Variants in ZNF16 observed in about 807,000 individuals in gnomAD.
ZNF16 encodes the protein zinc finger protein KOX9.
ZNF16 carries 7 observed loss-of-function variants against 9.0 expected under a neutral mutation model. The ratio of observed to expected loss-of-function variants is 0.78; its 90% CI spans 0.44 to 1.47. The LOEUF (loss-of-function observed/expected upper bound fraction) is 1.47, where lower values mean the gene tolerates loss of function less well. Among genes scored for constraint, ZNF16 ranks in the 40% most tolerant of loss-of-function variants. The probability of loss-of-function intolerance (pLI) is 0.01; values close to 1 mark genes in which losing one functional copy is unlikely to be tolerated. For missense variants in ZNF16, 830 were observed against 854.2 expected (o/e 0.97, Z 0.35); for synonymous variants, 312 against 301.5 (o/e 1.03, Z -0.36).
In ZNF16 at chr8:144,932,899, T is replaced by TC. The variant is rs1156659546; in HGVS notation, c.197-310dup. On this transcript the variant is annotated intron_variant, in intron 2 of 2. Coordinates refer to ENST00000394909, the MANE Select transcript of ZNF16 (RefSeq NM_006958.3). This position sits in a 1 kb window ranked among gnomAD's most constrained non-coding sequence, Gnocchi z 5.0. ...GCCAAAATCCTGGCTGTCCCTTGAC[T>TC]CCCCTCTTCCTCGACACCCACACCA... is the stretch of plus-strand genomic sequence containing the variant. 6.6e-6 allele frequency among the ~76,000 whole-genome samples: 1 copy of TC among 152,116 alleles called. No homozygotes were observed. Among genetic ancestry groups the TC allele is most frequent in the African/African-American group, 2.4e-5 (1 of 41,404 alleles).
rs552383102 is a variant in ZNF16, at chr8:144,933,039, T to C, written c.197-449A>G. 6.6e-6 allele frequency among the ~76,000 whole-genome samples: 1 copy of C among 151,688 alleles called. No individual in the cohort carries two copies. The highest frequency in any genetic ancestry group is 1.5e-5 in the Non-Finnish European group (1 of 68,020). On this transcript the variant is annotated intron_variant, in intron 2 of 2. Coordinates refer to ENST00000394909, the MANE Select transcript of ZNF16 (RefSeq NM_006958.3). The surrounding 1 kb of genome is among the most constrained non-coding windows in gnomAD (Gnocchi z 5.6). Reference sequence around the variant, plus strand: ...TCACACCACTCCTTACACTGTTACATATTTCACCCTTTTTTCTGTCCACAC... The same window carrying C: ...TCACACCACTCCTTACACTGTTACACATTTCACCCTTTTTTCTGTCCACAC...
chr8:144,942,690 C>T (rs1485753681), intron 2 of ZNF16, among the ~76,000 whole-genome samples: 2 of 152,206 alleles, frequency 1.3e-5, no homozygotes, highest in Non-Finnish European at 2.9e-5. Flanking sequence ...CACAAAATCT[C>T]TGCTTCTCTA....
Position 144,945,122 on chromosome 8 carries a change from C to CTT in ZNF16, c.196+887_196+888dup, listed in dbSNP as rs58690759. 2.8e-3 allele frequency: 410 copies of CTT among 144,544 alleles called. 1 individual carries two copies. Among genetic ancestry groups the CTT allele is most frequent in the African/African-American group, 8.7e-3 (342 of 39,462 alleles). 9.0% of individuals were successfully genotyped at this position (144,544 alleles called of 1,614,324 possible). A position where few individuals can be genotyped will look rare whatever the true frequency, so the allele number is the denominator to read the frequency against. The stretch of plus-strand genomic sequence containing the variant: ...CTGGATTCCCCAAAATATATAGGTG[C>CTT]TTTTTTTTTTTTCAAATTTATGTAT... On this transcript the variant is annotated intron_variant, in intron 2 of 2. Transcript: ENST00000394909.
In ZNF16 at chr8:144,930,866, G is replaced by A. The variant is rs372886012; in HGVS notation, c.1921C>T (p.Arg641Cys). The A allele has an allele frequency of 1.1e-5, 17 of 1,605,034 alleles. No homozygotes were observed. The highest frequency in any genetic ancestry group is 8.9e-5 in the East Asian group (4 of 44,820). The change falls in exon 3 of 3, where the codon CGT (arginine) becomes TGT (cysteine). Residue 641 changes from arginine (R) to cysteine (C), a missense_variant. Transcript: ENST00000394909. ...CTCTGGTGCTGGATGAGGACCGAACGCTGACTGAAGGCTTTCCCACACTCA... is the reference window on the plus strand; with the variant it reads ...CTCTGGTGCTGGATGAGGACCGAACACTGACTGAAGGCTTTCCCACACTCA... ...CSECGKAFSQ[R>C]SVLIQHQRIH... is the part of the protein sequence containing the mutation.
intron 2 of ZNF16, among the ~76,000 whole-genome samples, chr8:144,941,187 A>C (rs1009920676): frequency 6.6e-6 from 1 of 152,176 alleles, no homozygotes; most frequent in African/African-American, 2.4e-5. Context: ...CTCTATTACT[A>C]TAGAGCTATT....
chr8:144,946,523 G>A (rs13277474), intron 1 of ZNF16, among the ~76,000 whole-genome samples: 25,101 of 122,000 alleles, frequency 0.21, 2,634 homozygotes, highest in East Asian at 0.26. Flanking sequence ...CAGGGTCTGT[G>A]TCCTGCTGTG....
chr8:144,931,068 A>G lies in ZNF16; in HGVS notation c.1719T>C (p.His573=). 6.2e-7 allele frequency: 1 copy of G among 1,614,206 alleles called. No homozygotes were observed. The highest frequency in any genetic ancestry group is 2.2e-5 in the East Asian group (1 of 44,886). Residue 573 remains histidine, a synonymous_variant, in exon 3 of 3, where the codon CAT becomes CAC. Coordinates refer to ENST00000394909, the MANE Select transcript of ZNF16 (RefSeq NM_006958.3). ...AGGCTTTACCACACTGGTTACATTC[A>G]TGGGGCTTCAGCCCATTATGAATCC... ...HQRIHNGLKP[H]ECNQCGKAFN...
chr8:144,946,646 G>A (rs1833947783), intron 1 of ZNF16, among the ~76,000 whole-genome samples: 1 of 124,914 alleles, frequency 8.0e-6, no homozygotes, highest in Non-Finnish European at 1.7e-5. Flanking sequence ...TCCTGCTGTT[G>A]GGCCTGTGTC....
At chr8:144,946,518 TCTGTGTCCTGCTGTGGGGC>T (rs1490438563) in intron 1 of ZNF16, among the ~76,000 whole-genome samples, 1 of 139,984 alleles carries the variant, frequency 7.1e-6, no homozygotes, top group African/African-American at 2.6e-5. Context: ...CCCCACAGGG[TCTGTGTCCTGCTGTGGGGC>T]CTGTGTACTG....
At chr8:144,948,026 C>G (rs986384912) in intron 1 of ZNF16, 1 of 152,628 alleles carries the variant, frequency 6.6e-6, no homozygotes, top group African/African-American at 2.4e-5. Context: ...TCAAGGGGAT[C>G]TGCAAAGGGG....
intron 1 of ZNF16, among the ~76,000 whole-genome samples, chr8:144,950,226 C>T (rs1227885322): frequency 6.6e-6 from 1 of 152,196 alleles, no homozygotes; most frequent in Non-Finnish European, 1.5e-5. Context: ...TATTATCACC[C>T]TGCTCTCCTA....
intron 1 of ZNF16, among the ~76,000 whole-genome samples, chr8:144,950,110 GAAAC>G (rs990301696): frequency 6.6e-6 from 1 of 151,930 alleles, no homozygotes; most frequent in Non-Finnish European, 1.5e-5. Flanking sequence ...TGGGTGGAGA[GAAAC>G]AAATCTGGCC....
chr8:144,934,370 C>T (rs558924491), intron 2 of ZNF16, among the ~76,000 whole-genome samples: 67 of 152,374 alleles, frequency 4.4e-4, no homozygotes, highest in African/African-American at 1.6e-3. Flanking sequence ...CGTGCCAGCA[C>T]ACAGATGTGG....
chr8:144,947,690 C>G (rs1227713555), intron 1 of ZNF16, among the ~76,000 whole-genome samples: 1 of 152,172 alleles, frequency 6.6e-6, no homozygotes, highest in Non-Finnish European at 1.5e-5. Context: ...TTCATGTTGG[C>G]ACCCCAGTGT....
At chr8:144,947,337 TGGGCCTGTGTCCTGTTGTG>T (rs1833987684) in intron 1 of ZNF16, among the ~76,000 whole-genome samples, 1 of 136,024 alleles carries the variant, frequency 7.4e-6, no homozygotes, top group African/African-American at 3.2e-5. Flanking sequence ...TATCCTGCTG[TGGGCCTGTGTCCTGTTGTG>T]GGGCCTGTAT....
chr8:144,942,070 C>T (rs1354341507), intron 2 of ZNF16, among the ~76,000 whole-genome samples: 5 of 150,296 alleles, frequency 3.3e-5, no homozygotes, highest in East Asian at 1.9e-4. Flanking sequence ...CTCCGTCTCC[C>T]GGGTTCACGC....
chr8:144,949,356 T>A (rs566394663), intron 1 of ZNF16, among the ~76,000 whole-genome samples: 1 of 152,324 alleles, frequency 6.6e-6, no homozygotes, highest in South Asian at 2.1e-4. Flanking sequence ...CTCTGCTCAG[T>A]GCATCTCTGA....
chr8:144,940,748 AAAC>A (rs1420041470), intron 2 of ZNF16, among the ~76,000 whole-genome samples: 1 of 152,224 alleles, frequency 6.6e-6, no homozygotes, highest in Non-Finnish European at 1.5e-5. Context: ...GGTAATTTAT[AAAC>A]AACAGAAATT....
intron 1 of ZNF16, among the ~76,000 whole-genome samples, chr8:144,950,183 TGC>T (rs1041194212): frequency 6.6e-6 from 1 of 152,174 alleles, no homozygotes; most frequent in African/African-American, 2.4e-5. Flanking sequence ...CAGATTCTTT[TGC>T]TCACATGCTT....
Sources: allele counts gnomAD v4.1 joint callset (sites outside exome capture counted in the v4.1 genomes callset), GRCh38; gene constraint gnomAD v4.1.1; non-coding constraint Gnocchi (gnomAD v3.1); transcripts MANE v1.5; gene names NCBI Gene and HGNC (gene_info 2026-07-23, HGNC 2026-07-21).